The following SIRPG variants were observed in gnomAD, a reference collection of about 807,000 sequenced individuals.
SIRPG encodes the protein signal-regulatory protein gamma.
In SIRPG, 38 loss-of-function variants were observed where a neutral mutation model predicts 35.7. The ratio of observed to expected loss-of-function variants is 1.06; its 90% CI spans 0.82 to 1.40. SIRPG has a LOEUF of 1.40. SIRPG is among the 40% of genes most tolerant of loss of function. The pLI, the probability that SIRPG is intolerant of heterozygous loss-of-function variation, is 0.00. For synonymous variants in SIRPG, 215 were observed against 190.4 expected (o/e 1.13, Z -1.06); for missense variants, 519 against 483.0 (o/e 1.07, Z -0.70).
chr20:1,663,173 C>T, the SIRPG span, among the ~76,000 whole-genome samples: 3 of 151,960 alleles, frequency 2.0e-5, no homozygotes, highest in East Asian at 1.9e-4. Flanking sequence ...ATTAGCCGGG[C>T]GTGGTGGTGG....
At position 1,642,429 on chromosome 20, in the gene SIRPG, T is replaced by C. The variant is rs1309246129; in HGVS notation, c.431-5924A>G. 1.1e-4 allele frequency among the ~76,000 whole-genome samples: 16 copies of C among 152,356 alleles called. No individual in the cohort carries two copies. In the South Asian group the frequency reaches 1.7e-3, roughly 16 times the overall value. ...TGCTTTCCATTTGCTTGGTAAATTT[T>C]CCTCCATCCGTTTGTTTTGAGCCTA... On this transcript the variant is annotated intron_variant, in intron 2 of 5. Coordinates refer to ENST00000303415, the MANE Select transcript of SIRPG (RefSeq NM_018556.4).
rs982508134 is a variant in SIRPG, at chr20:1,636,352, T to C, written c.584A>G (p.Asn195Ser). ...CACACTCTGTCCTGTGGGGTCCACG[T>C]TGGTCTGGAAGTCTGAGAGCTCATT... is the stretch of plus-strand genomic sequence containing the variant. ...NGNELSDFQTNVDPTGQSVAY... is the reference protein window; with the variant it reads ...NGNELSDFQTSVDPTGQSVAY... Residue 195 changes from asparagine to serine, a missense_variant, in exon 3 of 6, where the codon AAC becomes AGC. Physicochemically the swap from Asn to Ser is conservative, Grantham distance 46 (BLOSUM62 1). Coordinates refer to ENST00000303415, the MANE Select transcript of SIRPG (RefSeq NM_018556.4). 2.5e-6 allele frequency: 4 copies of C among 1,614,110 alleles called. No homozygotes were observed. The highest frequency in any genetic ancestry group is 1.3e-5 in the African/African-American group (1 of 74,940).
the SIRPG span, among the ~76,000 whole-genome samples, chr20:1,674,976 G>A: frequency 6.6e-6 from 1 of 152,150 alleles, no homozygotes. Flanking sequence ...CATTAACAGA[G>A]CAAGTGCCCT....
At chr20:1,672,013 G>T in the SIRPG span, among the ~76,000 whole-genome samples, 12 of 152,218 alleles carry the variant, frequency 7.9e-5, no homozygotes, top group Admixed American at 3.9e-4. Flanking sequence ...GATTTTAGGG[G>T]GCCTATTCCC....
intron 1 of SIRPG, 113 bp downstream of exon 1, chr20:1,657,529 G>A: frequency 9.5e-7 from 1 of 1,047,638 alleles, no homozygotes; most frequent in Admixed American, 1.8e-5. Context: ...ACAATGTCCA[G>A]TCCTTGACCT....
At chr20:1,647,847 T>C (rs185471910) in intron 2 of SIRPG, 1 of 152,212 alleles carries the variant, frequency 6.6e-6, no homozygotes, top group African/African-American at 2.4e-5. Flanking sequence ...CTTTGGGAAA[T>C]GGATGAAAAA....
upstream of SIRPG, among the ~76,000 whole-genome samples, chr20:1,662,294 C>G (rs777859031): frequency 1.6e-4 from 25 of 152,180 alleles, no homozygotes; most frequent in Non-Finnish European, 3.2e-4. Flanking sequence ...CAGTCTTAGA[C>G]ACAAACTCGA....
chr20:1,681,305 G>A, the SIRPG span, among the ~76,000 whole-genome samples: 2 of 152,172 alleles, frequency 1.3e-5, no homozygotes, highest in African/African-American at 4.8e-5. Context: ...TATTTGGGAA[G>A]AGTAATGGTG....
the SIRPG span, among the ~76,000 whole-genome samples, chr20:1,675,401 A>T: frequency 6.6e-6 from 1 of 152,180 alleles, no homozygotes; most frequent in South Asian, 2.1e-4. Context: ...ACCTTTCTAA[A>T]GAGAGTGTAA....
At chr20:1,652,500 T>C (rs2091946748) in intron 1 of SIRPG, among the ~76,000 whole-genome samples, 2 of 152,214 alleles carry the variant, frequency 1.3e-5, no homozygotes, top group South Asian at 2.1e-4. Flanking sequence ...TTATAAACCA[T>C]GAACAAGTGG....
upstream of SIRPG, among the ~76,000 whole-genome samples, chr20:1,658,741 G>A (rs1240514699): frequency 6.6e-6 from 1 of 152,142 alleles, no homozygotes; most frequent in African/African-American, 2.4e-5. Context: ...GATACTCACG[G>A]TGCCAGGTGA....
At chr20:1,655,079 G>A (rs1162705528) in intron 1 of SIRPG, among the ~76,000 whole-genome samples, 2 of 152,154 alleles carry the variant, frequency 1.3e-5, no homozygotes, top group East Asian at 3.8e-4. Flanking sequence ...ACAGTTGGTG[G>A]GAATATAAAT....
intron 3 of SIRPG, 22 bp downstream of exon 3, chr20:1,636,166 G>A (rs1395190305): frequency 6.2e-7 from 1 of 1,602,098 alleles, no homozygotes; most frequent in Non-Finnish European, 8.5e-7. Context: ...GTGGGCTTGG[G>A]CTGGGTGTGA....
upstream of SIRPG, among the ~76,000 whole-genome samples, chr20:1,660,449 G>A (rs2091993050): frequency 6.6e-6 from 1 of 152,148 alleles, no homozygotes; most frequent in African/African-American, 2.4e-5. Flanking sequence ...TTTGAGAGGT[G>A]TGAGTCATAA....
rs774201377 is a variant in SIRPG at position 1,636,536 on chromosome 20, A to G, written c.431-31T>C. 12 of 1,605,348 alleles carry G rather than the reference A, an allele frequency of 7.5e-6. No homozygotes were observed. In the Admixed American group the frequency reaches 1.0e-4, roughly 13 times the overall value. The stretch of plus-strand genomic sequence containing the variant: ...AAAGGGGCATCGATAAACAGGAGAC[A>G]TGACTGAGATGACAATCACTAACGA... On this transcript the variant is annotated intron_variant, in intron 2 of 5. Coordinates refer to ENST00000303415, the MANE Select transcript of SIRPG (RefSeq NM_018556.4).
intron 2 of SIRPG, chr20:1,647,708 C>A (rs771375231): frequency 2.6e-5 from 4 of 152,220 alleles, no homozygotes; most frequent in Non-Finnish European, 2.9e-5. Context: ...TGTTCTGCAG[C>A]TGCTAAAGAG....
chr20:1,683,010 T>C, the SIRPG span, among the ~76,000 whole-genome samples: 1 of 151,630 alleles, frequency 6.6e-6, no homozygotes, highest in Non-Finnish European at 1.5e-5. Flanking sequence ...TGATAAGGAG[T>C]CAATACACAA....
chr20:1,636,676 G>A (rs1250641171), intron 2 of SIRPG, among the ~76,000 whole-genome samples, 171 bp from the exon 3 acceptor site: 1 of 152,234 alleles, frequency 6.6e-6, no homozygotes, highest in Non-Finnish European at 1.5e-5. Flanking sequence ...AAGGTTGGAA[G>A]AGGTGACGAC....
At chr20:1,673,990 C>T in the SIRPG span, among the ~76,000 whole-genome samples, 6 of 152,302 alleles carry the variant, frequency 3.9e-5, no homozygotes, top group Non-Finnish European at 5.9e-5. Context: ...GGGAAGGGTC[C>T]TGGCCAGGCC....
Sources: gnomAD v4.1 joint callset for allele counts (sites outside exome capture counted in the v4.1 genomes callset) on GRCh38, gnomAD v4.1.1 for gene constraint, MANE v1.5 for transcripts, NCBI Gene and HGNC (gene_info 2026-07-23, HGNC 2026-07-21) for gene names.